Variants in DYRK4 observed in about 807,000 individuals in gnomAD.
DYRK4 encodes dual specificity tyrosine phosphorylation regulated kinase 4.
In DYRK4, 64 loss-of-function variants were observed where a neutral mutation model predicts 68.3. The ratio of observed to expected loss-of-function variants is 0.94; its 90% CI spans 0.77 to 1.15. The LOEUF (loss-of-function observed/expected upper bound fraction) is 1.15. Among genes scored for constraint, DYRK4 ranks in the 50% most tolerant of loss-of-function variants. DYRK4 has a pLI of 0.00. For missense variants in DYRK4, 740 were observed against 764.7 expected, an observed-to-expected ratio of 0.97 and a Z score of 0.38; for synonymous variants, 274 against 289.9, an observed-to-expected ratio of 0.95 and a Z score of 0.56.
At position 4,591,610 on chromosome 12, in the gene DYRK4, A is replaced by T. The variant is rs571558902; in HGVS notation, c.463+312A>T. On this transcript the variant is annotated intron_variant, in intron 5 of 14. Transcript: ENST00000543431. This position sits in a 1 kb window ranked among gnomAD's most constrained non-coding sequence, Gnocchi z 4.1. ...AAGGCTCCTGTCATTTTATGGACCC[A>T]GGGGCCAGCGGGAAGGCACTGAGAG... 1.3e-5 allele frequency: 4 copies of T among 310,062 alleles called. No homozygotes were observed. The East Asian group carries it at 2.3e-4, about 17-fold the overall frequency. The allele number at this position is 310,062 out of a possible 1,614,324, so 19.2% of individuals were successfully genotyped here. A position where few individuals can be genotyped will look rare whatever the true frequency, so the allele number is the denominator to read the frequency against.
chr12:4,595,378 A>G (rs941159354), intron 6 of DYRK4, among the ~76,000 whole-genome samples: 6 of 152,230 alleles, frequency 3.9e-5, no homozygotes, highest in African/African-American at 1.4e-4. Flanking sequence ...AGATAATCTC[A>G]TCCAGCATCT....
At chr12:4,582,117 T>C (rs1412118483) in intron 2 of DYRK4, among the ~76,000 whole-genome samples, 1 of 152,228 alleles carries the variant, frequency 6.6e-6, no homozygotes, top group Non-Finnish European at 1.5e-5. Flanking sequence ...ATGCTTATCA[T>C]GTTAGGCTTT....
At chr12:4,592,840 A>G (rs1944972304) in intron 5 of DYRK4, 162 bp from the exon 6 acceptor site, 1 of 699,512 alleles carries the variant, frequency 1.4e-6, no homozygotes, top group Non-Finnish European at 2.3e-6. Flanking sequence ...TATTCTTGTC[A>G]TACTTCCATC....
intron 8 of DYRK4, 104 bp from the exon 9 acceptor site, chr12:4,598,924 T>C: frequency 7.4e-7 from 1 of 1,351,754 alleles, no homozygotes; most frequent in Non-Finnish European, 1.0e-6. Flanking sequence ...GAGGCTTGCC[T>C]GCTACTAGAC....
chr12:4,588,963 C>A lies in DYRK4; in HGVS notation c.159C>A (p.Ile53=), dbSNP rs1232266061. The A allele has an allele frequency of 3.9e-6, 6 of 1,535,926 alleles. No homozygotes were observed. Among genetic ancestry groups the A allele is most frequent in the African/African-American group, 2.7e-5 (2 of 73,000 alleles). The part of the protein sequence containing the change: ...AKVGSKLSVQ[I]QKPPSNIKNS... Reference sequence around the variant, plus strand: ...TTGGAAGTAAACTTTCGGTTCAGATCCAGAAGCCACCTTCCAATATCAAGA... The same window carrying A: ...TTGGAAGTAAACTTTCGGTTCAGATACAGAAGCCACCTTCCAATATCAAGA... Residue 53 remains isoleucine, a synonymous_variant, in exon 3 of 15, where the codon ATC becomes ATA. Coordinates refer to ENST00000543431, the MANE Select transcript of DYRK4 (RefSeq NM_001394779.1).
At position 4,562,267 on chromosome 12, in the gene DYRK4, A is replaced by G. The variant is rs1010347806; in HGVS notation, c.22A>G (p.Ile8Val). 4.6e-6 allele frequency: 7 copies of G among 1,532,404 alleles called. No individual in the cohort carries two copies. The highest frequency in any genetic ancestry group is 1.2e-5 in the South Asian group (1 of 83,600). The allele number at this position is 1,532,404 out of a possible 1,614,324, so 94.9% of individuals were successfully genotyped here. MQLLPPPIRTGTKTQMDA... is the reference protein window; with the variant it reads MQLLPPPVRTGTKTQMDA... ...CCTCATGCAGCTCCTCCCGCCGCCTATCCGCACCGGAACAAAGTAAGGGCC... is the reference window on the plus strand; with the variant it reads ...CCTCATGCAGCTCCTCCCGCCGCCTGTCCGCACCGGAACAAAGTAAGGGCC... The change falls in exon 1 of 15, where the codon ATC becomes GTC. Residue 8 changes from isoleucine to valine, a missense_variant. Physicochemically the swap from Ile to Val is conservative, Grantham distance 29. Around this residue, in one of 3 missense-constraint regions of DYRK4, gnomAD observed 70 missense variants for 71.1 expected, o/e 0.98. Transcript: ENST00000543431.
At chr12:4,589,815 G>A (rs1385299527) in intron 3 of DYRK4, among the ~76,000 whole-genome samples, 1 of 152,162 alleles carries the variant, frequency 6.6e-6, no homozygotes, top group Non-Finnish European at 1.5e-5. Flanking sequence ...CAGGAGGCAG[G>A]GATCCAAGTG....
At chr12:4,579,406 A>G (rs11063247) in intron 2 of DYRK4, among the ~76,000 whole-genome samples, 5,716 of 152,290 alleles carry the variant, frequency 0.038, 140 homozygotes, top group African/African-American at 0.063. Flanking sequence ...GAGAGTCTAG[A>G]CAAAGTTTTC....
chr12:4,568,096 G>T (rs2137318520), intron 2 of DYRK4, 48 bp downstream of exon 2: 1 of 1,494,194 alleles, frequency 6.7e-7, no homozygotes, highest in East Asian at 2.5e-5. Context: ...TCATTGCGAG[G>T]TCCTAGGGAC....
chr12:4,601,876 T>TTGTGTGTGTG (rs58259135), intron 10 of DYRK4: 7,474 of 157,564 alleles, frequency 0.047, 384 homozygotes, highest in African/African-American at 0.13. Context: ...TCTGTAGGGT[T>TTGTGTGTGTG]TGTGTGTGTG....
At chr12:4,603,760 A>G (rs2137392667) in intron 10 of DYRK4, among the ~76,000 whole-genome samples, 1 of 152,346 alleles carries the variant, frequency 6.6e-6, no homozygotes, top group South Asian at 2.1e-4. Flanking sequence ...TCCCACAAAG[A>G]ACTTGTATGT....
chr12:4,562,252 C>T lies in DYRK4; in HGVS notation c.7C>T (p.Leu3Phe), dbSNP rs1944633298. 6.5e-7 allele frequency: 1 copy of T among 1,532,672 alleles called. No homozygotes were observed. The allele number at this position is 1,532,672 out of a possible 1,614,324, so 94.9% of individuals were successfully genotyped here. A position where few individuals can be genotyped will look rare whatever the true frequency, so the allele number is the denominator to read the frequency against. The stretch of plus-strand genomic sequence containing the variant: ...GGCGGTCAGCGCCGGCCTCATGCAG[C>T]TCCTCCCGCCGCCTATCCGCACCGG... MQ[L>F]LPPPIRTGTK... Residue 3 changes from leucine to phenylalanine, a missense_variant, in exon 1 of 15, where the codon CTC (leucine) becomes TTC (phenylalanine). Transcript: ENST00000543431.
At chr12:4,594,709 C>T (rs1591799928) in intron 6 of DYRK4, among the ~76,000 whole-genome samples, 1 of 146,326 alleles carries the variant, frequency 6.8e-6, no homozygotes, top group Admixed American at 6.8e-5. Flanking sequence ...TTAGAAAAGC[C>T]TTTTTTTTTT....
At chr12:4,604,775 G>C (rs1254657873) in intron 10 of DYRK4, 139 bp from the exon 11 acceptor site, 1 of 966,860 alleles carries the variant, frequency 1.0e-6, no homozygotes, top group East Asian at 3.0e-5. Flanking sequence ...GGTGTAATGG[G>C]AGTTCTAAGT....
intron 11 of DYRK4, among the ~76,000 whole-genome samples, 185 bp downstream of exon 11, chr12:4,605,271 G>A (rs77356063): frequency 1.8e-3 from 274 of 152,290 alleles, no homozygotes; most frequent in African/African-American, 6.3e-3. Flanking sequence ...GACATCTAAC[G>A]TTTTATCATA....
chr12:4,581,850 C>T (rs374707029), intron 2 of DYRK4, among the ~76,000 whole-genome samples: 14 of 152,166 alleles, frequency 9.2e-5, no homozygotes, highest in African/African-American at 3.4e-4. Context: ...ATTCTTGGGA[C>T]CAAAAGTGTT....
intron 2 of DYRK4, among the ~76,000 whole-genome samples, chr12:4,582,817 A>C (rs1450939230): frequency 1.3e-5 from 2 of 152,304 alleles, no homozygotes; most frequent in African/African-American, 4.8e-5. Context: ...AGGAGCCAAA[A>C]GGCAGGGGTA....
chr12:4,598,591 C>T (rs1223797586), intron 8 of DYRK4, among the ~76,000 whole-genome samples: 1 of 152,176 alleles, frequency 6.6e-6, no homozygotes, highest in Non-Finnish European at 1.5e-5. Flanking sequence ...TTGGCCTCAG[C>T]CCCCATCTGC....
At chr12:4,565,821 G>A (rs1471768075) in intron 1 of DYRK4, among the ~76,000 whole-genome samples, 1 of 151,672 alleles carries the variant, frequency 6.6e-6, no homozygotes, top group African/African-American at 2.4e-5. Flanking sequence ...TAGAGATGGA[G>A]TTTCACCATG....
Sources: allele counts gnomAD v4.1 joint callset (sites outside exome capture counted in the v4.1 genomes callset), GRCh38; gene constraint gnomAD v4.1.1; regional missense constraint gnomAD v4.1.1; non-coding constraint Gnocchi (gnomAD v3.1); transcripts MANE v1.5; gene names NCBI Gene and HGNC (gene_info 2026-07-23, HGNC 2026-07-21).